CDC16: variants seen among roughly 807,000 people sequenced by gnomAD.
CDC16 encodes the protein cell division cycle 16.
CDC16 carries 34 observed loss-of-function variants against 87.0 expected under a neutral mutation model. The ratio of observed to expected loss-of-function variants is 0.39; its 90% CI spans 0.30 to 0.52. The LOEUF is 0.52. CDC16 is among the 20% of genes least tolerant of loss of function. CDC16 has a pLI of 0.74. For missense variants in CDC16, 653 were observed against 751.9 expected (o/e 0.87, Z 1.54); for synonymous variants, 263 against 260.6 (o/e 1.01, Z -0.09).
In CDC16 at chr13:114,243,990, G is replaced by GT; in HGVS notation, c.767+2dup. On this transcript the variant is annotated splice_donor_variant, in intron 8 of 17. Coordinates refer to ENST00000356221, the MANE Select transcript of CDC16 (RefSeq NM_001078645.3). LOFTEE classifies it high-confidence loss of function. ...AAATGTGCTACAAGCTTACTTCTGT[G>GT]TAAGTATATCCATCCATTTTTCTGT... 1 of 1,605,258 alleles carries GT rather than the reference G, an allele frequency of 6.2e-7. No individual in the cohort carries two copies. The highest frequency in any genetic ancestry group is 8.5e-7 in the Non-Finnish European group (1 of 1,173,116).
At position 114,234,915 on chromosome 13, in the gene CDC16, G is replaced by GC. The variant is rs1566625401; in HGVS notation, c.-170_-169insC. 2.5e-6 allele frequency: 1 copy of GC among 400,988 alleles called. No individual in the cohort carries two copies. The highest frequency in any genetic ancestry group is 2.1e-5 in the African/African-American group (1 of 47,870). The allele number at this position is 400,988 out of a possible 1,614,324, so 24.8% of individuals were successfully genotyped here. A position where few individuals can be genotyped will look rare whatever the true frequency, so the allele number is the denominator to read the frequency against. On this transcript the variant is annotated 5_prime_UTR_variant, in exon 1 of 18. Transcript: ENST00000356221. ...CCTGGGCAGTGCACGGGGCCTGGGT[G>GC]GGGGGTGCGGGTGTGGGTGGGGACC...
At chr13:114,266,461 A>C (rs2083218373) in intron 17 of CDC16, among the ~76,000 whole-genome samples, 1 of 152,194 alleles carries the variant, frequency 6.6e-6, no homozygotes, top group Admixed American at 6.5e-5. Context: ...ACAGTTTAAA[A>C]ATGCATGTTC....
rs150346588 is a variant in CDC16 at position 114,270,869 on chromosome 13, A to G, written c.1604-1315A>G. On this transcript the variant is annotated intron_variant, in intron 17 of 17. Coordinates refer to ENST00000356221, the MANE Select transcript of CDC16 (RefSeq NM_001078645.3). ...GCTAAATAAAGGCTAGAGAGTTGAT[A>G]ATGAGTCAGAGGGATGTCTCCTTGA... 5.3e-3 allele frequency among the ~76,000 whole-genome samples: 809 copies of G among 151,900 alleles called. 2 individuals are homozygous for G. The highest frequency in any genetic ancestry group is 0.024 in the Middle Eastern group (7 of 292).
At position 114,250,309 on chromosome 13, in the gene CDC16, A is replaced by T. The variant is rs1394602292; in HGVS notation, c.972-240A>T. 2.0e-5 allele frequency among the ~76,000 whole-genome samples: 3 copies of T among 152,088 alleles called. No individual in the cohort carries two copies. In the East Asian group the frequency reaches 5.8e-4, roughly 29 times the overall value. ...GGAGTTCAAGACCAGCCTGACCGAC[A>T]TGGTGAAACCCCATCTCTACTGTGA... On this transcript the variant is annotated intron_variant, in intron 11 of 17. Coordinates refer to ENST00000356221, the MANE Select transcript of CDC16 (RefSeq NM_001078645.3).
At chr13:114,239,904 A>G (rs1472714760) in intron 5 of CDC16, among the ~76,000 whole-genome samples, 2 of 152,148 alleles carry the variant, frequency 1.3e-5, no homozygotes, top group Non-Finnish European at 2.9e-5. Flanking sequence ...GTAATTGTGT[A>G]TATTTCAGTT....
intron 3 of CDC16, among the ~76,000 whole-genome samples, chr13:114,238,294 G>A (rs1421237652): frequency 1.4e-5 from 2 of 146,404 alleles, no homozygotes; most frequent in Non-Finnish European, 3.0e-5. Context: ...TGAGCTCCTC[G>A]GACGCCCAGC....
rs1421478821 is a variant in CDC16, at chr13:114,234,903, C to G, written c.-182C>G. Reference sequence around the variant, plus strand: ...GGAGCGGAAGAGCCTGGGCAGTGCACGGGGCCTGGGTGGGGGGTGCGGGTG... The same window carrying G: ...GGAGCGGAAGAGCCTGGGCAGTGCAGGGGGCCTGGGTGGGGGGTGCGGGTG... On this transcript the variant is annotated 5_prime_UTR_variant, in exon 1 of 18. Transcript: ENST00000356221. 8.3e-6 allele frequency: 3 copies of G among 362,010 alleles called. No individual in the cohort carries two copies. The highest frequency in any genetic ancestry group is 4.0e-5 in the East Asian group (1 of 25,254). 22.4% of individuals were successfully genotyped at this position (362,010 alleles called of 1,614,324 possible).
At chr13:114,249,215 T>C (rs770797412) in intron 11 of CDC16, among the ~76,000 whole-genome samples, 3 of 151,714 alleles carry the variant, frequency 2.0e-5, no homozygotes, top group Non-Finnish European at 2.9e-5. Context: ...ATCCCTCACA[T>C]GTGCAGTTAA....
intron 6 of CDC16, among the ~76,000 whole-genome samples, chr13:114,242,921 C>T (rs1449262533): frequency 1.3e-5 from 2 of 152,100 alleles, no homozygotes; most frequent in Admixed American, 6.5e-5. Flanking sequence ...GGTTAGTGGC[C>T]AGAGGTCCTG....
rs1186872009 is a variant in CDC16 at position 114,265,157 on chromosome 13, G to A, written c.1520G>A (p.Gly507Asp). Residue 507 changes from glycine to aspartate, a missense_variant, in exon 17 of 18, where the codon GGT (glycine) becomes GAT (aspartate). Physicochemically the swap from Gly to Asp is moderately conservative, Grantham distance 94. Transcript: ENST00000356221. ...CTGAATCTTTTATGGCAGGCCCTTG[G>A]TCTTAGGCGAGATGATACATTTTCT... ...NAVDYFHTAL[G>D]LRRDDTFSVT... The A allele has an allele frequency of 6.2e-7, 1 of 1,606,730 alleles. No individual in the cohort carries two copies.
intron 15 of CDC16, 78 bp downstream of exon 15, chr13:114,262,026 T>C: frequency 1.2e-6 from 1 of 839,332 alleles, no homozygotes; most frequent in Admixed American, 2.4e-5. Flanking sequence ...TGTCATATTC[T>C]TATTTCATGA....
Position 114,259,489 on chromosome 13 carries a change from C to G in CDC16, c.1314+91C>G, listed in dbSNP as rs186301568. Reference sequence around the variant, plus strand: ...AAACAACACAGAAATCTCTTGCCTTCGAAGATAGTAACCTGATATTTTCAT... The same window carrying G: ...AAACAACACAGAAATCTCTTGCCTTGGAAGATAGTAACCTGATATTTTCAT... On this transcript the variant is annotated intron_variant, in intron 14 of 17. Transcript: ENST00000356221. 8 of 673,712 alleles carry G rather than the reference C, an allele frequency of 1.2e-5. No homozygotes were observed. In the South Asian group the frequency reaches 2.0e-4, roughly 17 times the overall value. The allele number at this position is 673,712 out of a possible 1,614,324, so 41.7% of individuals were successfully genotyped here.
At chr13:114,257,420 AG>A (rs2082570075) in intron 13 of CDC16, among the ~76,000 whole-genome samples, 190 bp downstream of exon 13, 1 of 152,170 alleles carries the variant, frequency 6.6e-6, no homozygotes, top group Admixed American at 6.5e-5. Flanking sequence ...TTCTAAACCC[AG>A]GTTTTGGTCT....
At position 114,243,206 on chromosome 13, in the gene CDC16, C is replaced by T. The variant is rs543011431; in HGVS notation, c.542-51C>T. ...TCATATTTTTAGTTGTTGGCTTTTT[C>T]CCCTCTATAAATATTATGAGGATAT... is the stretch of plus-strand genomic sequence containing the variant. On this transcript the variant is annotated intron_variant, in intron 6 of 17. Coordinates refer to ENST00000356221, the MANE Select transcript of CDC16 (RefSeq NM_001078645.3). 2.2e-4 allele frequency: 182 copies of T among 835,968 alleles called. 2 individuals carry two copies. The South Asian group carries it at 2.5e-3, about 12-fold the overall frequency. 51.8% of individuals were successfully genotyped at this position (835,968 alleles called of 1,614,324 possible).
chr13:114,252,872 ACCTGTAATC>A (rs2082272985), intron 12 of CDC16, among the ~76,000 whole-genome samples: 1 of 152,142 alleles, frequency 6.6e-6, no homozygotes, highest in South Asian at 2.1e-4. Flanking sequence ...GGTAGCTCAC[ACCTGTAATC>A]CCAGCACTTT....
At position 114,244,055 on chromosome 13, in the gene CDC16, C is replaced by T. The variant is rs533287763; in HGVS notation, c.767+66C>T. On this transcript the variant is annotated intron_variant, in intron 8 of 17. Coordinates refer to ENST00000356221, the MANE Select transcript of CDC16 (RefSeq NM_001078645.3). Reference sequence around the variant, plus strand: ...CACTCCATCTTACCTAGGTGATTCACGGACGTGCTCTCTGAATAATCTTGA... The same window carrying T: ...CACTCCATCTTACCTAGGTGATTCATGGACGTGCTCTCTGAATAATCTTGA... 66 of 1,078,220 alleles carry T rather than the reference C, an allele frequency of 6.1e-5. 1 individual carries two copies. The highest frequency in any genetic ancestry group is 4.5e-4 in the South Asian group (31 of 68,974). 66.8% of individuals were successfully genotyped at this position (1,078,220 alleles called of 1,614,324 possible).
chr13:114,255,632 A>G (rs2082449565), intron 12 of CDC16, among the ~76,000 whole-genome samples: 1 of 152,040 alleles, frequency 6.6e-6, no homozygotes. Context: ...TCTGGTCTCA[A>G]GCATTTCTGA....
intron 9 of CDC16, 36 bp from the exon 10 acceptor site, chr13:114,245,964 C>T (rs147824768): frequency 1.1e-4 from 135 of 1,212,864 alleles, no homozygotes; most frequent in Non-Finnish European, 1.3e-4. Context: ...ACATGTGATA[C>T]GAACAATTGT....
intron 5 of CDC16, 107 bp downstream of exon 5, chr13:114,239,597 T>C (rs2081442220): frequency 5.5e-6 from 7 of 1,272,078 alleles, no homozygotes; most frequent in Middle Eastern, 3.0e-4. Flanking sequence ...AAAACAATTG[T>C]GGTTGCCAAT....
Sources: gnomAD v4.1 joint callset for allele counts (sites outside exome capture counted in the v4.1 genomes callset) on GRCh38, gnomAD v4.1.1 for gene constraint, MANE v1.5 for transcripts, NCBI Gene and HGNC (gene_info 2026-07-23, HGNC 2026-07-21) for gene names.